Variants in CSMD1 observed in about 807,000 individuals in gnomAD.
CSMD1 encodes the protein CUB and sushi domain-containing protein 1.
A neutral mutation model predicts 417.5 loss-of-function variants in CSMD1; 213 were observed. The ratio of observed to expected loss-of-function variants is 0.51; its 90% CI spans 0.46 to 0.57. CSMD1 has a LOEUF of 0.57. Ranked by LOEUF, CSMD1 falls within the 20% of genes least tolerant of loss-of-function variation. The pLI is 0.00. For missense variants in CSMD1, 6,923 were observed against 4,529.7 expected, an observed-to-expected ratio of 1.53 and a Z score of -15.17; for synonymous variants, 2,862 against 1,736.8, an observed-to-expected ratio of 1.65 and a Z score of -16.11.
intron 7 of CSMD1, among the ~76,000 whole-genome samples, chr8:3,650,939 G>A (rs918462388): frequency 3.9e-5 from 6 of 152,136 alleles, no homozygotes; most frequent in South Asian, 2.1e-4. Context: ...GATCTTGCAA[G>A]CCTGCTTCGC....
chr8:4,763,043 C>A (rs1006756926), intron 1 of CSMD1, among the ~76,000 whole-genome samples: 25 of 152,116 alleles, frequency 1.6e-4, no homozygotes, highest in African/African-American at 6.0e-4. Flanking sequence ...CCTAGCAAGA[C>A]TTCCAGGGTA....
intron 10 of CSMD1, among the ~76,000 whole-genome samples, chr8:3,565,373 A>C (rs1799661078): frequency 6.6e-6 from 1 of 152,040 alleles, no homozygotes; most frequent in South Asian, 2.1e-4. Flanking sequence ...GAAAGGTCTG[A>C]TTGAATAATG....
At position 4,201,457 on chromosome 8, in the gene CSMD1, G is replaced by C. The variant is rs573926534; in HGVS notation, c.416-169358C>G. Among the ~76,000 whole-genome samples the C allele has an allele frequency of 3.6e-5, 5 of 139,108 alleles. 1 individual carries two copies. Among genetic ancestry groups the C allele is most frequent in the African/African-American group, 1.3e-4 (5 of 38,072 alleles). 91.3% of individuals were successfully genotyped at this position (139,108 alleles called of 152,430 possible). On this transcript the variant is annotated intron_variant, in intron 3 of 69. Coordinates refer to ENST00000635120, the MANE Select transcript of CSMD1 (RefSeq NM_033225.6). ...GGAGGCTGAGGCAGGAGAATGGCAT[G>C]AACACGGGAGGCGGAGCTTGCAGTG... is the stretch of plus-strand genomic sequence containing the variant.
chr8:3,937,917 A>G (rs1328419245), intron 5 of CSMD1, among the ~76,000 whole-genome samples: 8 of 152,182 alleles, frequency 5.3e-5, no homozygotes, highest in African/African-American at 1.9e-4. Flanking sequence ...ATAAAACTTT[A>G]TTAAACCTCA....
chr8:4,681,580 TACG>T (rs1235552756), intron 1 of CSMD1, among the ~76,000 whole-genome samples: 1 of 152,160 alleles, frequency 6.6e-6, no homozygotes, highest in Non-Finnish European at 1.5e-5. Context: ...CTATTGAAAA[TACG>T]ACGAGTGGAA....
At chr8:3,500,481 C>T (rs902309491) in intron 10 of CSMD1, among the ~76,000 whole-genome samples, 2 of 152,022 alleles carry the variant, frequency 1.3e-5, no homozygotes, top group African/African-American at 4.8e-5. Flanking sequence ...AAGACTCTGT[C>T]AGAGTATCAA....
intron 5 of CSMD1, among the ~76,000 whole-genome samples, chr8:3,937,157 T>G (rs1455804287): frequency 1.3e-5 from 2 of 152,180 alleles, no homozygotes; most frequent in Non-Finnish European, 2.9e-5. Flanking sequence ...AGTGGTTTCT[T>G]TAGATGAAAT....
At chr8:4,498,026 T>G (rs573166747) in intron 2 of CSMD1, among the ~76,000 whole-genome samples, 2 of 152,252 alleles carry the variant, frequency 1.3e-5, no homozygotes, top group East Asian at 3.9e-4. Context: ...GCCCCAGGCT[T>G]CATTGTCATC....
At chr8:4,390,685 T>C (rs1039229537) in intron 3 of CSMD1, among the ~76,000 whole-genome samples, 2 of 151,520 alleles carry the variant, frequency 1.3e-5, no homozygotes, top group Non-Finnish European at 2.9e-5. Flanking sequence ...GGCTAATTTT[T>C]TGTATTTTCA....
At chr8:4,429,204 C>T (rs1358495264) in intron 2 of CSMD1, among the ~76,000 whole-genome samples, 2 of 151,382 alleles carry the variant, frequency 1.3e-5, no homozygotes, top group Non-Finnish European at 1.5e-5. Context: ...AAGGATCATG[C>T]CTGCCTTACA....
rs1584959470 is a variant in CSMD1, at chr8:3,611,806, T to C, written c.1097+4904A>G. On this transcript the variant is annotated intron_variant, in intron 8 of 69. Transcript: ENST00000635120. ...TGAATCATTATTTTCAAATGACCAA[T>C]GTATGAGGTACAAAATCATGCATAT... is the stretch of plus-strand genomic sequence containing the variant. Among the ~76,000 whole-genome samples, 3 of 152,170 alleles carry C rather than the reference T, an allele frequency of 2.0e-5. 1 individual carries two copies. The South Asian group carries it at 6.2e-4, about 32-fold the overall frequency.
At position 4,857,360 on chromosome 8, in the gene CSMD1, G is replaced by T. The variant is rs1411208871; in HGVS notation, c.85+136972C>A. 1.2e-4 allele frequency among the ~76,000 whole-genome samples: 18 copies of T among 151,738 alleles called. 1 individual carries two copies. In the East Asian group the frequency reaches 3.5e-3, roughly 30 times the overall value. The stretch of plus-strand genomic sequence containing the variant: ...CCTAACATCACAATTAAAAGAATTA[G>T]AAAAGCAAGAGCAAACACATTCAAA... On this transcript the variant is annotated intron_variant, in intron 1 of 69. Coordinates refer to ENST00000635120, the MANE Select transcript of CSMD1 (RefSeq NM_033225.6).
intron 2 of CSMD1, among the ~76,000 whole-genome samples, chr8:4,569,737 G>A (rs1798792895): frequency 6.6e-6 from 1 of 152,104 alleles, no homozygotes. Flanking sequence ...GGGCAGTATG[G>A]CCATTTTCAC....
At chr8:3,911,774 C>G (rs939097569) in intron 5 of CSMD1, among the ~76,000 whole-genome samples, 9 of 152,136 alleles carry the variant, frequency 5.9e-5, no homozygotes, top group Admixed American at 2.6e-4. Flanking sequence ...TCTCACCAGC[C>G]TCATTTCTCA....
chr8:4,074,478 C>T (rs150728765), intron 3 of CSMD1, among the ~76,000 whole-genome samples: 1 of 152,018 alleles, frequency 6.6e-6, no homozygotes, highest in East Asian at 1.9e-4. Flanking sequence ...TGTTTATAGT[C>T]AATTATGAAA....
Position 4,542,251 on chromosome 8 carries a change from CT to C in CSMD1, c.302+95090del, listed in dbSNP as rs1036146000. Among the ~76,000 whole-genome samples the C allele has an allele frequency of 4.3e-3, 659 of 151,862 alleles. 7 individuals carry two copies. The highest frequency in any genetic ancestry group is 0.015 in the African/African-American group (625 of 41,442). ...GGAAGAAAGAATCAAGTTAAAATAC[CT>C]TTTTTTTGAAATATTAGGATAAACA... On this transcript the variant is annotated intron_variant, in intron 2 of 69. Coordinates refer to ENST00000635120, the MANE Select transcript of CSMD1 (RefSeq NM_033225.6).
chr8:3,863,010 G>C (rs893415969), intron 5 of CSMD1, among the ~76,000 whole-genome samples: 3 of 152,178 alleles, frequency 2.0e-5, no homozygotes, highest in African/African-American at 7.2e-5. Context: ...TTTGGTATCT[G>C]GTAAGATTTG....
At chr8:3,598,873 G>A (rs1287262473) in intron 8 of CSMD1, among the ~76,000 whole-genome samples, 2 of 152,088 alleles carry the variant, frequency 1.3e-5, no homozygotes, top group African/African-American at 2.4e-5. Flanking sequence ...ACAAGGTCAG[G>A]AGTTTGAGAC....
At chr8:4,332,178 G>A (rs1224410893) in intron 3 of CSMD1, among the ~76,000 whole-genome samples, 1 of 152,068 alleles carries the variant, frequency 6.6e-6, no homozygotes, top group African/African-American at 2.4e-5. Context: ...CACAACTGTG[G>A]ACAGAAATAA....
Sources: allele counts gnomAD v4.1 joint callset (sites outside exome capture counted in the v4.1 genomes callset), GRCh38; gene constraint gnomAD v4.1.1; transcripts MANE v1.5; gene names NCBI Gene and HGNC (gene_info 2026-07-23, HGNC 2026-07-21).